ASCC3: variants seen among roughly 807,000 people sequenced by gnomAD.
ASCC3 encodes the protein ASC-1 complex subunit P200.
Under a neutral mutation model 256.3 loss-of-function variants are expected in ASCC3, and 158 were observed. The ratio of observed to expected loss-of-function variants is 0.62; its 90% CI spans 0.54 to 0.70. The LOEUF (loss-of-function observed/expected upper bound fraction) is 0.70, where lower values mean the gene tolerates loss of function less well. ASCC3 is among the 30% of genes least tolerant of loss of function. ASCC3 has a pLI of 0.00. For synonymous variants in ASCC3, 948 were observed against 883.4 expected (o/e 1.07, Z -1.30); for missense variants, 2,259 against 2,626.0 (o/e 0.86, Z 3.05).
Position 100,864,230 on chromosome 6 carries a change from T to A in ASCC3, c.91-16A>T. 1 of 1,567,718 alleles carries A rather than the reference T, an allele frequency of 6.4e-7. No individual in the cohort carries two copies. The highest frequency in any genetic ancestry group is 2.2e-5 in the East Asian group (1 of 44,530). ...ATCGCTTTATCTGAAACAGAGATTA[T>A]AATGTAGAAAAGTACTGCTTAAAGT... is the stretch of plus-strand genomic sequence containing the variant. On this transcript the variant is annotated splice_polypyrimidine_tract_variant and intron_variant, in intron 2 of 41. Transcript: ENST00000369162.
chr6:100,606,646 T>C lies in ASCC3; in HGVS notation c.5044+94A>G, dbSNP rs9497881. 4.9e-3 allele frequency: 6,786 copies of C among 1,376,708 alleles called. 313 individuals are homozygous for C. The African/African-American group carries it at 0.089, about 18-fold the overall frequency. The allele number at this position is 1,376,708 out of a possible 1,614,324, so 85.3% of individuals were successfully genotyped here. A position where few individuals can be genotyped will look rare whatever the true frequency, so the allele number is the denominator to read the frequency against. ...TTTAAATGTGACCAATTCTCAGAAGTTTAATTGGTGGAAATTCAAATTAAT... is the reference window on the plus strand; with the variant it reads ...TTTAAATGTGACCAATTCTCAGAAGCTTAATTGGTGGAAATTCAAATTAAT... On this transcript the variant is annotated intron_variant, in intron 32 of 41. Transcript: ENST00000369162.
intron 36 of ASCC3, among the ~76,000 whole-genome samples, chr6:100,555,858 TG>T (rs1769546346): frequency 6.6e-6 from 1 of 152,156 alleles, no homozygotes; most frequent in African/African-American, 2.4e-5. Flanking sequence ...TAGCTGGGTG[TG>T]GTGGCACAAG....
chr6:100,527,740 C>T (rs527936006), intron 37 of ASCC3, among the ~76,000 whole-genome samples: 2 of 152,030 alleles, frequency 1.3e-5, no homozygotes, highest in Non-Finnish European at 2.9e-5. Flanking sequence ...ATGAAAAATA[C>T]CCACATCGTT....
rs550354656 is a variant in ASCC3, at chr6:100,765,148, C to T, written c.1737+1417G>A. Among the ~76,000 whole-genome samples the T allele has an allele frequency of 3.3e-5, 5 of 152,220 alleles. No homozygotes were observed. In the East Asian group the frequency reaches 9.7e-4, roughly 29 times the overall value. On this transcript the variant is annotated intron_variant, in intron 10 of 41. Transcript: ENST00000369162. ...TCAAAGCCTCCAGAAGGAAACAACT[C>T]GGCTGACACCTTGATTTCAGACTTC...
rs753375523 is a variant in ASCC3 at position 100,679,646 on chromosome 6, C to T, written c.2258G>A (p.Gly753Glu). 6.2e-7 allele frequency: 1 copy of T among 1,613,428 alleles called. No individual in the cohort carries two copies. Among genetic ancestry groups the T allele is most frequent in the South Asian group, 1.1e-5 (1 of 91,058 alleles). Residue 753 changes from glycine (G) to glutamate (E), a missense_variant, in exon 14 of 42, where the codon GGA becomes GAA. Physicochemically the swap from Gly to Glu is moderately conservative, Grantham distance 98. Transcript: ENST00000369162. ...TTTTTCTGCAAGTACATAGTCATGT[C>T]CTTGGGTAGGAAAAAAGAAGGGAAT... Reference protein sequence around the residue: ...GHIPFFFPTQGHDYVLAEKQV... With the variant: ...GHIPFFFPTQEHDYVLAEKQV...
chr6:100,607,076 T>C lies in ASCC3; in HGVS notation c.4798A>G (p.Ile1600Val). 1.2e-6 allele frequency: 2 copies of C among 1,613,626 alleles called. No homozygotes were observed. The highest frequency in any genetic ancestry group is 1.7e-6 in the Non-Finnish European group (2 of 1,179,746). ...NMDEREMENI[I>V]ATVRDSNLKL... Reference sequence around the variant, plus strand: ...AGGTTGGAATCTCTTACTGTTGCAATGATGTTCTCCATCTGCAAGTAAAAA... The same window carrying C: ...AGGTTGGAATCTCTTACTGTTGCAACGATGTTCTCCATCTGCAAGTAAAAA... Residue 1600 changes from isoleucine to valine, a missense_variant, in exon 31 of 42, where the codon ATT becomes GTT. Around this residue, in one of 2 missense-constraint regions of ASCC3, gnomAD observed 1,839 missense variants for 2,206.7 expected, o/e 0.83. Coordinates refer to ENST00000369162, the MANE Select transcript of ASCC3 (RefSeq NM_006828.4).
intron 36 of ASCC3, among the ~76,000 whole-genome samples, chr6:100,577,944 G>A (rs1275097580): frequency 2.0e-5 from 3 of 152,060 alleles, no homozygotes; most frequent in Non-Finnish European, 2.9e-5. Context: ...AATACTTAAA[G>A]ATAAGCTATC....
chr6:100,616,388 C>A (rs1469038807), intron 30 of ASCC3, among the ~76,000 whole-genome samples: 2 of 152,132 alleles, frequency 1.3e-5, no homozygotes, highest in African/African-American at 4.8e-5. Context: ...TTCCTATGCA[C>A]CTGCATTACA....
intron 13 of ASCC3, among the ~76,000 whole-genome samples, chr6:100,699,219 G>T (rs12201157): frequency 0.078 from 11,908 of 152,246 alleles, 600 homozygotes; most frequent in East Asian, 0.15. Flanking sequence ...ATTCTGATGT[G>T]TCGTGGGACT....
At chr6:100,693,918 T>A (rs1777956278) in intron 13 of ASCC3, among the ~76,000 whole-genome samples, 2 of 152,016 alleles carry the variant, frequency 1.3e-5, no homozygotes, top group Admixed American at 1.3e-4. Flanking sequence ...CTGAGAGAAA[T>A]CCACATCTCT....
intron 13 of ASCC3, among the ~76,000 whole-genome samples, chr6:100,680,496 T>A (rs1777245584): frequency 6.6e-6 from 1 of 152,180 alleles, no homozygotes. Context: ...CTACCTTACA[T>A]CAGAATCAGC....
intron 22 of ASCC3, 65 bp downstream of exon 22, chr6:100,646,549 GA>G: frequency 6.7e-7 from 1 of 1,490,698 alleles, no homozygotes; most frequent in Non-Finnish European, 9.3e-7. Flanking sequence ...CTTAGGAACA[GA>G]TGTAGTTGAG....
At chr6:100,664,341 A>C (rs1776369937) in intron 14 of ASCC3, among the ~76,000 whole-genome samples, 1 of 152,112 alleles carries the variant, frequency 6.6e-6, no homozygotes, top group Admixed American at 6.6e-5. Flanking sequence ...AGGTCACTTA[A>C]AATTTTAAAC....
intron 36 of ASCC3, among the ~76,000 whole-genome samples, chr6:100,573,254 T>C (rs1400428163): frequency 6.6e-6 from 1 of 152,158 alleles, no homozygotes; most frequent in Non-Finnish European, 1.5e-5. Context: ...TGATTTTTAG[T>C]TAAAACAGCA....
At chr6:100,709,026 C>T (rs565396562) in intron 13 of ASCC3, among the ~76,000 whole-genome samples, 42 of 150,170 alleles carry the variant, frequency 2.8e-4, no homozygotes, top group Middle Eastern at 3.5e-3. Context: ...AAAAAAAATC[C>T]AAAATGGCAA....
At chr6:100,651,203 T>C (rs1775652098) in intron 19 of ASCC3, among the ~76,000 whole-genome samples, 2 of 151,898 alleles carry the variant, frequency 1.3e-5, no homozygotes, top group South Asian at 4.1e-4. Context: ...AGATTAAATA[T>C]TAATACAGGT....
Position 100,606,766 on chromosome 6 carries a change from C to A in ASCC3, c.5018G>T (p.Arg1673Ile). 1 of 1,607,288 alleles carries A rather than the reference C, an allele frequency of 6.2e-7. No homozygotes were observed. The highest frequency in any genetic ancestry group is 8.5e-7 in the Non-Finnish European group (1 of 1,177,670). The part of the protein sequence containing the change: ...KGTEYYDGKT[R>I]RYVDFPITDV... ...TGTAATGGGAAAATCCACATAACGT[C>A]TTGTTTTTCCATCATAGTATTCTGT... The change falls in exon 32 of 42, where the codon AGA becomes ATA. Residue 1673 changes from arginine (R) to isoleucine (I), a missense_variant. By Grantham distance (97) the Arg-to-Ile change is moderately conservative (BLOSUM62 -3). Coordinates refer to ENST00000369162, the MANE Select transcript of ASCC3 (RefSeq NM_006828.4).
intron 36 of ASCC3, among the ~76,000 whole-genome samples, chr6:100,543,309 A>T (rs893996247): frequency 1.3e-5 from 2 of 152,118 alleles, no homozygotes; most frequent in African/African-American, 4.8e-5. Context: ...GTTCAGTACA[A>T]ATGCAGCCAT....
intron 13 of ASCC3, among the ~76,000 whole-genome samples, chr6:100,694,747 T>C (rs1248000015): frequency 2.0e-5 from 3 of 152,116 alleles, no homozygotes; most frequent in African/African-American, 7.2e-5. Flanking sequence ...ACTTTCAAGA[T>C]GTCCACAGAG....
Sources: gnomAD v4.1 joint callset for allele counts (sites outside exome capture counted in the v4.1 genomes callset) on GRCh38, gnomAD v4.1.1 for gene constraint, gnomAD v4.1.1 regional missense constraint, MANE v1.5 for transcripts, NCBI Gene and HGNC (gene_info 2026-07-23, HGNC 2026-07-21) for gene names.